IKZF2: variants seen among roughly 807,000 people sequenced by gnomAD.
The protein encoded by IKZF2 is zinc finger protein Helios.
In IKZF2, 15 loss-of-function variants were observed where a neutral mutation model predicts 49.2. The observed-to-expected ratio is 0.30, with a 90% confidence interval of 0.20 to 0.47. The LOEUF (loss-of-function observed/expected upper bound fraction) is 0.47. IKZF2 is among the 20% of genes least tolerant of loss of function. The pLI, the probability that IKZF2 is intolerant of heterozygous loss-of-function variation, is 1.00. For synonymous variants in IKZF2, 227 were observed against 221.4 expected, an observed-to-expected ratio of 1.03 and a Z score of -0.23; for missense variants, 567 against 664.6, an observed-to-expected ratio of 0.85 and a Z score of 1.61.
intron 4 of IKZF2, among the ~76,000 whole-genome samples, chr2:213,124,252 G>GCGCGCACA (rs1270409984): frequency 7.3e-6 from 1 of 136,236 alleles, no homozygotes; most frequent in African/African-American, 2.7e-5. Flanking sequence ...GCGCGCGCGC[G>GCGCGCACA]CACACACACA....
intron 4 of IKZF2, among the ~76,000 whole-genome samples, chr2:213,058,849 T>A (rs1701418318): frequency 6.6e-6 from 1 of 151,880 alleles, no homozygotes; most frequent in Admixed American, 6.6e-5. Context: ...AGAATAAAAA[T>A]TACATATGAA....
intron 4 of IKZF2, among the ~76,000 whole-genome samples, chr2:213,074,106 T>G (rs1702993798): frequency 2.0e-5 from 3 of 152,202 alleles, no homozygotes; most frequent in African/African-American, 4.8e-5. Context: ...CATCTCTAAC[T>G]AAAAACATGA....
At position 213,120,701 on chromosome 2, in the gene IKZF2, A is replaced by G. The variant is rs562644548; in HGVS notation, c.139+27007T>C. ...TTCTATAACTCTAACTGGAAGGCAGATGACCTACAATTAGTCCTAAGAAAT... is the reference window on the plus strand; with the variant it reads ...TTCTATAACTCTAACTGGAAGGCAGGTGACCTACAATTAGTCCTAAGAAAT... On this transcript the variant is annotated intron_variant, in intron 4 of 8. Transcript: ENST00000434687. 3.3e-5 allele frequency among the ~76,000 whole-genome samples: 5 copies of G among 152,352 alleles called. No homozygotes were observed. In the South Asian group the frequency reaches 8.3e-4, roughly 25 times the overall value.
intron 6 of IKZF2, among the ~76,000 whole-genome samples, chr2:213,032,424 A>T (rs1559184476): frequency 6.6e-6 from 1 of 152,176 alleles, no homozygotes. Flanking sequence ...AATTTTAAAA[A>T]TACTTTGCTG....
chr2:213,049,908 A>T, intron 5 of IKZF2, 28 bp from the exon 6 acceptor site: 1 of 1,505,606 alleles, frequency 6.6e-7, no homozygotes, highest in Non-Finnish European at 9.0e-7. Context: ...AATGGGAAGT[A>T]TCAACTAGGG....
chr2:213,142,459 A>C (rs544070277), intron 4 of IKZF2, among the ~76,000 whole-genome samples: 7 of 152,120 alleles, frequency 4.6e-5, no homozygotes, highest in African/African-American at 1.7e-4. Context: ...TAGGTCCATA[A>C]AAAAGTAACT....
intron 4 of IKZF2, among the ~76,000 whole-genome samples, chr2:213,076,907 A>T (rs190428348): frequency 5.3e-5 from 8 of 152,340 alleles, no homozygotes; most frequent in East Asian, 3.9e-4. Flanking sequence ...GTCTCCAAAA[A>T]AAATAAATAA....
intron 4 of IKZF2, among the ~76,000 whole-genome samples, chr2:213,080,568 G>C (rs1223625607): frequency 6.6e-6 from 1 of 152,044 alleles, no homozygotes; most frequent in Non-Finnish European, 1.5e-5. Flanking sequence ...TAAGAGACAT[G>C]GGTAAAATGC....
rs751009260 is a variant in IKZF2 at position 213,007,804 on chromosome 2, G to C, written c.1137C>G (p.Asn379Lys). The change falls in exon 9 of 9, where the codon AAC becomes AAG. Residue 379 changes from asparagine (N) to lysine (K), a missense_variant. Asn to Lys is a moderately conservative substitution (Grantham distance 94). This residue lies in a region of IKZF2 where 310 missense variants were observed against 326.9 expected (regional missense o/e 0.95). Transcript: ENST00000434687. ...TGATGAGAGAGATGGGGCCATCCATGTTGTTTTCATGACTATCAGCAGTTT... is the reference window on the plus strand; with the variant it reads ...TGATGAGAGAGATGGGGCCATCCATCTTGTTTTCATGACTATCAGCAGTTT... ...SRETADSHEN[N>K]MDGPISLIRP... 1 of 1,613,650 alleles carries C rather than the reference G, an allele frequency of 6.2e-7. No individual in the cohort carries two copies. The highest frequency in any genetic ancestry group is 8.5e-7 in the Non-Finnish European group (1 of 1,179,750).
intron 6 of IKZF2, among the ~76,000 whole-genome samples, chr2:213,037,987 A>G (rs916489114): frequency 4.7e-5 from 7 of 149,888 alleles, no homozygotes; most frequent in Admixed American, 1.3e-4. Flanking sequence ...CTAAACCAGC[A>G]TAATTTAATT....
At position 213,007,699 on chromosome 2, in the gene IKZF2, A is replaced by G. The variant is rs765143627; in HGVS notation, c.1242T>C (p.His414=). Reference sequence around the variant, plus strand: ...GTCCTTGGTAGGACTGGTGGTCATCATGGCTGCTTTCTGAGTCAGTGGAAT... The same window carrying G: ...GTCCTTGGTAGGACTGGTGGTCATCGTGGCTGCTTTCTGAGTCAGTGGAAT... The part of the protein sequence containing the change: ...CLDSTDSESS[H]DDHQSYQGHP... The change falls in exon 9 of 9, where the codon CAT becomes CAC. Residue 414 remains histidine, a synonymous_variant. Transcript: ENST00000434687. 4.6e-5 allele frequency: 74 copies of G among 1,613,590 alleles called. No individual in the cohort carries two copies. Among genetic ancestry groups the G allele is most frequent in the Non-Finnish European group, 6.1e-5 (72 of 1,179,768 alleles).
At chr2:213,072,074 C>A (rs1702767052) in intron 4 of IKZF2, among the ~76,000 whole-genome samples, 1 of 152,022 alleles carries the variant, frequency 6.6e-6, no homozygotes, top group African/African-American at 2.4e-5. Flanking sequence ...ATAATAGTTG[C>A]AAGCTTTCAC....
intron 4 of IKZF2, among the ~76,000 whole-genome samples, chr2:213,089,030 G>A (rs916608218): frequency 2.6e-5 from 4 of 152,116 alleles, no homozygotes; most frequent in Non-Finnish European, 5.9e-5. Context: ...CCTGGCTCTC[G>A]AATCCTTTGG....
intron 4 of IKZF2, 72 bp from the exon 5 acceptor site, chr2:213,057,171 C>G: frequency 7.7e-7 from 1 of 1,307,090 alleles, no homozygotes. Context: ...CTTTTCTACT[C>G]ATTGTCATCC....
chr2:213,058,097 T>C (rs1427071049), intron 4 of IKZF2, among the ~76,000 whole-genome samples: 1 of 152,118 alleles, frequency 6.6e-6, no homozygotes, highest in Non-Finnish European at 1.5e-5. Flanking sequence ...TTAGAGGAAA[T>C]ATTTTCATAA....
chr2:213,136,370 C>CAAAAAAAAAA (rs11325415), intron 4 of IKZF2, among the ~76,000 whole-genome samples: 2 of 53,656 alleles, frequency 3.7e-5, no homozygotes, highest in African/African-American at 1.4e-4. Flanking sequence ...GACACTGTCT[C>CAAAAAAAAAA]AAAAAAAAAA....
chr2:213,068,472 T>C (rs991819559), intron 4 of IKZF2, among the ~76,000 whole-genome samples: 1 of 152,102 alleles, frequency 6.6e-6, no homozygotes, highest in Non-Finnish European at 1.5e-5. Flanking sequence ...AGGTTAAGGA[T>C]CTTAAGGTCC....
intron 4 of IKZF2, among the ~76,000 whole-genome samples, chr2:213,140,827 C>G (rs1012578513): frequency 1.3e-5 from 2 of 151,928 alleles, no homozygotes; most frequent in Admixed American, 6.6e-5. Flanking sequence ...TGATCAAATA[C>G]TGAGAATTAC....
At chr2:213,032,957 G>T (rs897466565) in intron 6 of IKZF2, among the ~76,000 whole-genome samples, 1 of 152,162 alleles carries the variant, frequency 6.6e-6, no homozygotes, top group Admixed American at 6.5e-5. Context: ...TATTTGATAC[G>T]ATTTTACCCA....
Sources: allele counts gnomAD v4.1 joint callset (sites outside exome capture counted in the v4.1 genomes callset), GRCh38; gene constraint gnomAD v4.1.1; regional missense constraint gnomAD v4.1.1; transcripts MANE v1.5; gene names NCBI Gene and HGNC (gene_info 2026-07-23, HGNC 2026-07-21).